Variants in QSOX1 observed in about 807,000 individuals in gnomAD.
QSOX1 encodes quiescin sulfhydryl oxidase 1.
Under a neutral mutation model 76.1 loss-of-function variants are expected in QSOX1, and 40 were observed. The ratio of observed to expected loss-of-function variants is 0.53; its 90% CI spans 0.41 to 0.68. The LOEUF (loss-of-function observed/expected upper bound fraction) is 0.68, where lower values mean the gene tolerates loss of function less well. QSOX1 is among the 30% of genes least tolerant of loss of function. The pLI, the probability that QSOX1 is intolerant of heterozygous loss-of-function variation, is 0.00. For synonymous variants in QSOX1, 392 were observed against 413.1 expected (o/e 0.95, Z 0.62); for missense variants, 931 against 974.3 (o/e 0.96, Z 0.59).
intron 4 of QSOX1, among the ~76,000 whole-genome samples, chr1:180,178,373 G>T (rs7521906): frequency 0.73 from 111,586 of 152,142 alleles, 41,292 homozygotes; most frequent in Non-Finnish European, 0.78. Flanking sequence ...GATTACAGGT[G>T]CCCGCCACCA....
In QSOX1 at chr1:180,198,530, C is replaced by G. The variant is rs985535691; in HGVS notation, c.*1493C>G. ...TGGTTTTCTCTTTGACATCTTCACT[C>G]TGCTCAGATGGCCTGGGTGCTATGT... On this transcript the variant is annotated 3_prime_UTR_variant, in exon 12 of 12. Coordinates refer to ENST00000367602, the MANE Select transcript of QSOX1 (RefSeq NM_002826.5). The G allele has an allele frequency of 1.5e-5, 6 of 398,618 alleles. 1 individual carries two copies. The highest frequency in any genetic ancestry group is 1.2e-4 in the African/African-American group (6 of 48,768). The allele number at this position is 398,618 out of a possible 1,614,324, so 24.7% of individuals were successfully genotyped here.
rs116570033 is a variant in QSOX1 at position 180,194,378 on chromosome 1, A to T, written c.1454A>T (p.Asn485Ile). 1 of 1,555,332 alleles carries T rather than the reference A, an allele frequency of 6.4e-7. No individual in the cohort carries two copies. Among genetic ancestry groups the T allele is most frequent in the Non-Finnish European group, 8.7e-7 (1 of 1,143,474 alleles). Reference protein sequence around the residue: ...LWLWSSHNRVNARLAGAPSED... With the variant: ...LWLWSSHNRVIARLAGAPSED... ...CTCTGGTCTAGCCACAACAGGGTCAATGCTCGCCTTGCAGGTAAGGAAGGA... is the reference window on the plus strand; with the variant it reads ...CTCTGGTCTAGCCACAACAGGGTCATTGCTCGCCTTGCAGGTAAGGAAGGA... The change falls in exon 11 of 12, where the codon AAT becomes ATT. Residue 485 changes from asparagine to isoleucine, a missense_variant. Transcript: ENST00000367602.
chr1:180,164,307 G>A lies in QSOX1; in HGVS notation c.266-2184G>A, dbSNP rs564884645. On this transcript the variant is annotated intron_variant, in intron 1 of 11. Transcript: ENST00000367602. Reference sequence around the variant, plus strand: ...TCCCCAAAAAGTGTGTGGTGGGGGGGTGTTGAGGAGGTTGGGGAAATGGCA... The same window carrying A: ...TCCCCAAAAAGTGTGTGGTGGGGGGATGTTGAGGAGGTTGGGGAAATGGCA... Among the ~76,000 whole-genome samples, 7 of 152,308 alleles carry A rather than the reference G, an allele frequency of 4.6e-5. No homozygotes were observed. In the East Asian group the frequency reaches 1.3e-3, roughly 29 times the overall value.
Position 180,199,161 on chromosome 1 carries a change from A to T in QSOX1, c.*2124A>T, listed in dbSNP as rs1204108479. On this transcript the variant is annotated 3_prime_UTR_variant, in exon 12 of 12. Coordinates refer to ENST00000367602, the MANE Select transcript of QSOX1 (RefSeq NM_002826.5). ...CCGGCCCCAGCCCCTCTGGTTGATA[A>T]ACGGGTGGGCCTCCTCAGCAGCGTG... is the stretch of plus-strand genomic sequence containing the variant. 1 of 152,174 alleles carries T rather than the reference A, an allele frequency of 6.6e-6. No homozygotes were observed. Among genetic ancestry groups the T allele is most frequent in the Non-Finnish European group, 1.5e-5 (1 of 68,072 alleles). The allele number at this position is 152,174 out of a possible 1,614,324, so 9.4% of individuals were successfully genotyped here.
intron 2 of QSOX1, among the ~76,000 whole-genome samples, chr1:180,174,196 C>T (rs1229834574): frequency 6.6e-6 from 1 of 152,276 alleles, no homozygotes; most frequent in Non-Finnish European, 1.5e-5. Flanking sequence ...GCTTCCAGGA[C>T]AACTCAACTG....
At chr1:180,164,982 T>C (rs576444020) in intron 1 of QSOX1, among the ~76,000 whole-genome samples, 1 of 152,124 alleles carries the variant, frequency 6.6e-6, no homozygotes, top group South Asian at 2.1e-4. Flanking sequence ...GAACTCAGAG[T>C]GAGAACTCAC....
In QSOX1 at chr1:180,186,078, G is replaced by A. The variant is rs994242722; in HGVS notation, c.913G>A (p.Glu305Lys). 7 of 1,614,024 alleles carry A rather than the reference G, an allele frequency of 4.3e-6. No individual in the cohort carries two copies. Among genetic ancestry groups the A allele is most frequent in the African/African-American group, 1.3e-5 (1 of 74,922 alleles). The change falls in exon 8 of 12, where the codon GAA (glutamate) becomes AAA (lysine). Residue 305 changes from glutamate (E) to lysine (K), a missense_variant. Coordinates refer to ENST00000367602, the MANE Select transcript of QSOX1 (RefSeq NM_002826.5). ...CTCCAAGATCTACATGGCTGACCTG[G>A]AATCTGCACTGCACTACATCCTGCG... ...DRSKIYMADL[E>K]SALHYILRIE...
chr1:180,179,491 C>T (rs1485154899), intron 5 of QSOX1, among the ~76,000 whole-genome samples: 1 of 152,206 alleles, frequency 6.6e-6, no homozygotes, highest in Non-Finnish European at 1.5e-5. Flanking sequence ...TTGGGAAGGT[C>T]AAATGCAGCA....
In QSOX1 at chr1:180,202,689, AAAG is replaced by A. The variant is rs1373029635; in HGVS notation, c.*5653_*5655del. ...GTAAGCTAATGCAAAAAAAAAAAAAAAAGGGGAAATATAATTGAATACTTCACT... is the reference window on the plus strand; with the variant it reads ...GTAAGCTAATGCAAAAAAAAAAAAAAGGGAAATATAATTGAATACTTCACT... On this transcript the variant is annotated 3_prime_UTR_variant, in exon 12 of 12. Transcript: ENST00000367602. The A allele has an allele frequency of 6.6e-6, 1 of 151,902 alleles. No homozygotes were observed. Among genetic ancestry groups the A allele is most frequent in the African/African-American group, 2.4e-5 (1 of 41,370 alleles). 9.4% of individuals were successfully genotyped at this position (151,902 alleles called of 1,614,324 possible). A position where few individuals can be genotyped will look rare whatever the true frequency, so the allele number is the denominator to read the frequency against.
chr1:180,165,101 C>A (rs563346624), intron 1 of QSOX1, among the ~76,000 whole-genome samples: 1 of 152,342 alleles, frequency 6.6e-6, no homozygotes, highest in East Asian at 1.9e-4. Flanking sequence ...CATTGGAGAT[C>A]ACATTTCAAC....
chr1:180,190,701 T>C (rs1444491373), intron 10 of QSOX1, 121 bp downstream of exon 10: 13 of 1,275,670 alleles, frequency 1.0e-5, no homozygotes, highest in Non-Finnish European at 1.4e-5. Context: ...TGCCAGAAGA[T>C]GGGGAGAGTC....
chr1:180,176,297 G>T (rs1045226602), intron 4 of QSOX1, among the ~76,000 whole-genome samples: 1 of 152,220 alleles, frequency 6.6e-6, no homozygotes, highest in East Asian at 1.9e-4. Flanking sequence ...CATCCCACCA[G>T]GTGGGAAGGA....
At chr1:180,181,192 G>A (rs1464241594) in intron 5 of QSOX1, among the ~76,000 whole-genome samples, 1 of 152,144 alleles carries the variant, frequency 6.6e-6, no homozygotes, top group Non-Finnish European at 1.5e-5. Context: ...AATGATGACT[G>A]ATGTATATTT....
At chr1:180,169,600 A>T (rs1662716714) in intron 2 of QSOX1, among the ~76,000 whole-genome samples, 1 of 152,338 alleles carries the variant, frequency 6.6e-6, no homozygotes, top group Admixed American at 6.5e-5. Context: ...TGCTAGTGTG[A>T]TTTGGACTTC....
At chr1:180,179,081 CT>C in intron 5 of QSOX1, among the ~76,000 whole-genome samples, 197 bp downstream of exon 5, 1 of 152,316 alleles carries the variant, frequency 6.6e-6, no homozygotes, top group Non-Finnish European at 1.5e-5. Flanking sequence ...GCTGTTTATT[CT>C]TATCTCCTTC....
rs114418167 is a variant in QSOX1, at chr1:180,173,682, A to G, written c.367-1639A>G. ...CAGGTGGCTTCCAGATTTTCTGCCT[A>G]CAAATGTCTGTAACAAACAAGTCCT... On this transcript the variant is annotated intron_variant, in intron 2 of 11. Transcript: ENST00000367602. Among the ~76,000 whole-genome samples, 1,079 of 152,244 alleles carry G rather than the reference A, an allele frequency of 7.1e-3. 10 individuals are homozygous for G. Among genetic ancestry groups the G allele is most frequent in the African/African-American group, 0.024 (1,010 of 41,542 alleles).
chr1:180,188,700 C>T (rs950256080), intron 8 of QSOX1, among the ~76,000 whole-genome samples: 10 of 152,206 alleles, frequency 6.6e-5, no homozygotes, highest in Non-Finnish European at 1.2e-4. Flanking sequence ...AGTTACCATT[C>T]GTGTCTCCAG....
intron 4 of QSOX1, among the ~76,000 whole-genome samples, chr1:180,176,756 A>G (rs550479748): frequency 6.6e-6 from 1 of 152,370 alleles, no homozygotes; most frequent in East Asian, 1.9e-4. Context: ...CTTGCCAAGA[A>G]GGAACAAATC....
chr1:180,167,476 C>A (rs971004634), intron 2 of QSOX1, among the ~76,000 whole-genome samples: 3 of 152,284 alleles, frequency 2.0e-5, no homozygotes, highest in Middle Eastern at 6.8e-3. Context: ...GTAGGGGCAG[C>A]CAAGTTTCAA....
Sources: allele counts gnomAD v4.1 joint callset (sites outside exome capture counted in the v4.1 genomes callset), GRCh38; gene constraint gnomAD v4.1.1; transcripts MANE v1.5; gene names NCBI Gene and HGNC (gene_info 2026-07-23, HGNC 2026-07-21).